TBC1D22A: variants seen among roughly 807,000 people sequenced by gnomAD.
TBC1D22A encodes the protein putative GTPase activator.
In TBC1D22A, 38 loss-of-function variants were observed where a neutral mutation model predicts 60.2. That is an observed-to-expected ratio of 0.63 (90% CI 0.49 to 0.83). The LOEUF is 0.83. Ranked by LOEUF, TBC1D22A falls within the 40% of genes least tolerant of loss-of-function variation. The pLI, the probability that TBC1D22A is intolerant of heterozygous loss-of-function variation, is 0.00. For missense variants in TBC1D22A, 628 were observed against 701.0 expected (o/e 0.90, Z 1.18); for synonymous variants, 302 against 281.7 (o/e 1.07, Z -0.72).
intron 4 of TBC1D22A, among the ~76,000 whole-genome samples, chr22:46,855,064 A>G (rs1015138146): frequency 4.6e-5 from 7 of 152,264 alleles, no homozygotes; most frequent in African/African-American, 1.4e-4. Flanking sequence ...CCCATTTTCT[A>G]TGGGCCCAGT....
chr22:47,162,385 G>C (rs1439961146), intron 12 of TBC1D22A, among the ~76,000 whole-genome samples: 1 of 152,082 alleles, frequency 6.6e-6, no homozygotes, highest in East Asian at 1.9e-4. Flanking sequence ...CATTGACTGA[G>C]GCCCCCGTGG....
chr22:46,906,936 C>A (rs1302287804), intron 7 of TBC1D22A, among the ~76,000 whole-genome samples: 1 of 152,020 alleles, frequency 6.6e-6, no homozygotes, highest in Non-Finnish European at 1.5e-5. Context: ...CGCGTGTGCT[C>A]TCTGTGCACA....
At chr22:46,915,629 T>C (rs537470467) in intron 8 of TBC1D22A, 1 of 456,686 alleles carries the variant, frequency 2.2e-6, no homozygotes, top group South Asian at 1.5e-5. Flanking sequence ...GCATCCCAGT[T>C]AATCAAAGGT....
intron 11 of TBC1D22A, among the ~76,000 whole-genome samples, chr22:47,039,304 G>A (rs928162450): frequency 1.3e-5 from 2 of 152,168 alleles, no homozygotes; most frequent in East Asian, 3.9e-4. Flanking sequence ...CTTAAGAATC[G>A]GGGGTATTTC....
At chr22:46,971,663 C>A (rs916943272) in intron 8 of TBC1D22A, among the ~76,000 whole-genome samples, 9 of 152,200 alleles carry the variant, frequency 5.9e-5, no homozygotes, top group African/African-American at 1.7e-4. Flanking sequence ...GACTTGGAGT[C>A]GAGGCAGGCC....
intron 4 of TBC1D22A, among the ~76,000 whole-genome samples, chr22:46,873,095 G>A (rs1353612937): frequency 6.6e-6 from 1 of 152,080 alleles, no homozygotes; most frequent in African/African-American, 2.4e-5. Context: ...GGGATATCTG[G>A]CATTCAATAA....
intron 10 of TBC1D22A, among the ~76,000 whole-genome samples, chr22:47,033,806 T>C (rs986694565): frequency 6.6e-6 from 1 of 152,114 alleles, no homozygotes; most frequent in Non-Finnish European, 1.5e-5. Context: ...GGTCACCTGG[T>C]GCCACCGCAG....
At chr22:46,846,728 A>G (rs1280570744) in intron 4 of TBC1D22A, among the ~76,000 whole-genome samples, 1 of 152,094 alleles carries the variant, frequency 6.6e-6, no homozygotes, top group African/African-American at 2.4e-5. Flanking sequence ...GGCGGGTATC[A>G]AGATATGCCA....
intron 12 of TBC1D22A, among the ~76,000 whole-genome samples, chr22:47,132,006 C>T (rs1421192019): frequency 6.6e-6 from 1 of 152,194 alleles, no homozygotes; most frequent in South Asian, 2.1e-4. Context: ...AAACTTTGGT[C>T]AAGTACGGTA....
chr22:46,950,713 C>T (rs1166907292), intron 8 of TBC1D22A, among the ~76,000 whole-genome samples: 5 of 152,084 alleles, frequency 3.3e-5, no homozygotes, highest in South Asian at 2.1e-4. Context: ...TAGATGTGCG[C>T]GAATGACGGG....
intron 7 of TBC1D22A, among the ~76,000 whole-genome samples, chr22:46,911,023 G>T (rs939258588): frequency 5.3e-5 from 8 of 152,122 alleles, no homozygotes; most frequent in African/African-American, 1.9e-4. Context: ...CACTGGGGGT[G>T]GTGGGGGCTC....
At chr22:47,030,040 G>A (rs959623021) in intron 10 of TBC1D22A, among the ~76,000 whole-genome samples, 1 of 152,248 alleles carries the variant, frequency 6.6e-6, no homozygotes, top group African/African-American at 2.4e-5. Flanking sequence ...ACCAAACCAT[G>A]CAAATGAGAA....
At chr22:47,160,975 C>G (rs2067958990) in intron 12 of TBC1D22A, among the ~76,000 whole-genome samples, 2 of 152,072 alleles carry the variant, frequency 1.3e-5, no homozygotes, top group Admixed American at 1.3e-4. Context: ...GCTCCCTGAG[C>G]CTTTCTCAGT....
At chr22:46,956,135 AG>A (rs2073176209) in intron 8 of TBC1D22A, among the ~76,000 whole-genome samples, 1 of 152,186 alleles carries the variant, frequency 6.6e-6, no homozygotes, top group South Asian at 2.1e-4. Flanking sequence ...TGTGAATGTT[AG>A]GGGGCTGAAT....
intron 12 of TBC1D22A, among the ~76,000 whole-genome samples, chr22:47,140,624 G>A (rs142594625): frequency 3.9e-5 from 6 of 152,166 alleles, no homozygotes; most frequent in Non-Finnish European, 7.3e-5. Flanking sequence ...AGGAGACAAG[G>A]CTCGTTTATC....
At chr22:47,038,331 G>T (rs1569369198) in intron 11 of TBC1D22A, among the ~76,000 whole-genome samples, 1 of 152,228 alleles carries the variant, frequency 6.6e-6, no homozygotes, top group Non-Finnish European at 1.5e-5. Context: ...GATGCTGGGG[G>T]ACGGACGTTT....
At chr22:46,845,161 C>T (rs1424492808) in intron 4 of TBC1D22A, among the ~76,000 whole-genome samples, 1 of 152,224 alleles carries the variant, frequency 6.6e-6, no homozygotes, top group Non-Finnish European at 1.5e-5. Context: ...AAGAACGTAA[C>T]AGTGGGATAT....
At chr22:46,870,893 C>T (rs2067265686) in intron 4 of TBC1D22A, among the ~76,000 whole-genome samples, 1 of 152,154 alleles carries the variant, frequency 6.6e-6, no homozygotes, top group African/African-American at 2.4e-5. Flanking sequence ...AGGCCACCTC[C>T]CAACACTGTT....
chr22:46,886,327 CCCT>C (rs1360973297), intron 5 of TBC1D22A, among the ~76,000 whole-genome samples: 1 of 152,222 alleles, frequency 6.6e-6, no homozygotes, highest in Non-Finnish European at 1.5e-5. Flanking sequence ...CTCTGAGTGT[CCCT>C]CTCGAGTGCA....
Sources: allele counts gnomAD v4.1 joint callset (sites outside exome capture counted in the v4.1 genomes callset), GRCh38; gene constraint gnomAD v4.1.1; transcripts MANE v1.5; gene names NCBI Gene and HGNC (gene_info 2026-07-23, HGNC 2026-07-21).